Variants in GPR139 observed in about 807,000 individuals in gnomAD.
GPR139 encodes G protein-coupled receptor 139.
In GPR139, 12 loss-of-function variants were observed where a neutral mutation model predicts 25.8. That is an observed-to-expected ratio of 0.47 (90% CI 0.30 to 0.75). The LOEUF is 0.75. GPR139 is among the 30% of genes least tolerant of loss of function. The pLI is 0.07. For missense variants in GPR139, 380 were observed against 450.2 expected (o/e 0.84, Z 1.41); for synonymous variants, 184 against 179.9 (o/e 1.02, Z -0.18).
At chr16:20,069,744 A>G (rs1256352756) in intron 1 of GPR139, among the ~76,000 whole-genome samples, 1 of 151,956 alleles carries the variant, frequency 6.6e-6, no homozygotes, top group Non-Finnish European at 1.5e-5. Context: ...TTAATTTCAC[A>G]CTGCTCCTTC....
intron 1 of GPR139, among the ~76,000 whole-genome samples, chr16:20,067,642 T>C (rs2057440018): frequency 6.6e-6 from 1 of 151,726 alleles, no homozygotes; most frequent in Non-Finnish European, 1.5e-5. Context: ...CCGTCTCTAC[T>C]AAAAATACAA....
chr16:20,032,663 A>G lies in GPR139; in HGVS notation c.134T>C (p.Ile45Thr), dbSNP rs2057295307. Residue 45 changes from isoleucine to threonine, a missense_variant, in exon 2 of 2, where the codon ATC (isoleucine) becomes ACC (threonine). Physicochemically the swap from Ile to Thr is moderately conservative, Grantham distance 89. Transcript: ENST00000570682. ...LLLCLGLPAN[I>T]LTVIILSQLV... ...CTGGGAGAGGATGATCACTGTCAAG[A>G]TATTTGCTGTGGAGAGAAGAAAAAC... 1.9e-6 allele frequency: 3 copies of G among 1,601,930 alleles called. No individual in the cohort carries two copies. The highest frequency in any genetic ancestry group is 4.5e-5 in the East Asian group (2 of 44,512).
chr16:20,038,329 A>ATGTGTGTGTGTGTGTG (rs1555465698), intron 1 of GPR139, among the ~76,000 whole-genome samples: 1 of 95,826 alleles, frequency 1.0e-5, no homozygotes, highest in Non-Finnish European at 2.6e-5. Flanking sequence ...TAATATATAT[A>ATGTGTGTGTGTGTGTG]TGTGTGTGTG....
intron 1 of GPR139, among the ~76,000 whole-genome samples, chr16:20,032,881 T>C (rs1411083697): frequency 6.6e-6 from 1 of 152,236 alleles, no homozygotes; most frequent in Non-Finnish European, 1.5e-5. Context: ...AACACAACCA[T>C]GAGAGGTGGT....
chr16:20,051,778 C>T (rs1458957516), intron 1 of GPR139, among the ~76,000 whole-genome samples: 1 of 152,184 alleles, frequency 6.6e-6, no homozygotes, highest in Non-Finnish European at 1.5e-5. Flanking sequence ...TAGTTTGCTT[C>T]CTCATGACTC....
At chr16:20,070,856 G>T in intron 1 of GPR139, 1 of 695,304 alleles carries the variant, frequency 1.4e-6, no homozygotes, top group Non-Finnish European at 1.8e-6. Context: ...AATTGCTGGT[G>T]GCTGGGGAAG....
chr16:20,062,751 C>T (rs1205501769), intron 1 of GPR139, among the ~76,000 whole-genome samples: 1 of 151,958 alleles, frequency 6.6e-6, no homozygotes, highest in Non-Finnish European at 1.5e-5. Flanking sequence ...CTAGTAGTCA[C>T]GTTAATAAAG....
At chr16:20,064,346 G>C (rs544190991) in intron 1 of GPR139, among the ~76,000 whole-genome samples, 1 of 152,274 alleles carries the variant, frequency 6.6e-6, no homozygotes, top group South Asian at 2.1e-4. Flanking sequence ...CTCAAGACCA[G>C]CCTGGCCAAC....
At chr16:20,065,985 AGTTTGTTTTTTT>A (rs1198740070) in intron 1 of GPR139, among the ~76,000 whole-genome samples, 2 of 152,048 alleles carry the variant, frequency 1.3e-5, no homozygotes, top group African/African-American at 4.8e-5. Flanking sequence ...TAAGAGAAAT[AGTTTGTTTTTTT>A]GTTTGTTTTG....
intron 1 of GPR139, among the ~76,000 whole-genome samples, chr16:20,038,383 G>A (rs1176728452): frequency 4.3e-5 from 5 of 115,668 alleles, no homozygotes; most frequent in Non-Finnish European, 9.8e-5. Flanking sequence ...TCTATAGAGA[G>A]TGACTCTCCC....
intron 1 of GPR139, among the ~76,000 whole-genome samples, chr16:20,071,968 T>G (rs2608182): frequency 0.46 from 70,586 of 151,832 alleles, 16,846 homozygotes; most frequent in African/African-American, 0.55. Flanking sequence ...AAGAGGTTCT[T>G]ACACTTTTCC....
In GPR139 at chr16:20,041,606, T is replaced by A. The variant is rs146088001; in HGVS notation, c.128-8937A>T. ...GATGCTGACAAGACTCAGTGGTCAG[T>A]CTTTTAGCTTCTGCAGAAGGTGCTG... On this transcript the variant is annotated intron_variant, in intron 1 of 1. Coordinates refer to ENST00000570682, the MANE Select transcript of GPR139 (RefSeq NM_001002911.4). Among the ~76,000 whole-genome samples the A allele has an allele frequency of 2.6e-5, 4 of 152,112 alleles. 1 individual carries two copies. The East Asian group carries it at 7.8e-4, about 30-fold the overall frequency.
chr16:20,051,299 C>T (rs1243106550), intron 1 of GPR139, among the ~76,000 whole-genome samples: 1 of 152,108 alleles, frequency 6.6e-6, no homozygotes, highest in Non-Finnish European at 1.5e-5. Flanking sequence ...CAATGCACAC[C>T]CTCCTCCGCG....
At chr16:20,043,304 C>T (rs985422370) in intron 1 of GPR139, among the ~76,000 whole-genome samples, 1 of 152,158 alleles carries the variant, frequency 6.6e-6, no homozygotes, top group African/African-American at 2.4e-5. Flanking sequence ...AATCACGAAA[C>T]CACATCCAAG....
intron 1 of GPR139, among the ~76,000 whole-genome samples, chr16:20,056,317 C>G (rs2057388380): frequency 6.6e-6 from 1 of 152,236 alleles, no homozygotes; most frequent in African/African-American, 2.4e-5. Context: ...TCCAACTAGA[C>G]TCTGCCCTTC....
In GPR139 at chr16:20,031,654, A is replaced by C. The variant is rs185717032; in HGVS notation, c.*81T>G. 83 of 1,074,590 alleles carry C rather than the reference A, an allele frequency of 7.7e-5. No individual in the cohort carries two copies. The East Asian group carries it at 2.0e-3, about 25-fold the overall frequency. The allele number at this position is 1,074,590 out of a possible 1,614,324, so 66.6% of individuals were successfully genotyped here. A position where few individuals can be genotyped will look rare whatever the true frequency, so the allele number is the denominator to read the frequency against. On this transcript the variant is annotated 3_prime_UTR_variant, in exon 2 of 2. Coordinates refer to ENST00000570682, the MANE Select transcript of GPR139 (RefSeq NM_001002911.4). ...GGAAATCGGATTAGCACTCTTAAGG[A>C]GAGCTGCTCAGCCATAGGATGGGAC...
rs1351356431 is a variant in GPR139, at chr16:20,031,303, G to GT, written c.*431dup. 6.6e-6 allele frequency among the ~76,000 whole-genome samples: 1 copy of GT among 152,202 alleles called. No homozygotes were observed. The highest frequency in any genetic ancestry group is 6.5e-5 in the Admixed American group (1 of 15,280). On this transcript the variant is annotated 3_prime_UTR_variant, in exon 2 of 2. Coordinates refer to ENST00000570682, the MANE Select transcript of GPR139 (RefSeq NM_001002911.4). ...TAGCTCCTGGGAACAGCAGAGGGAA[G>GT]TGATGAATGACCTCAGCTCTCGGAA...
intron 1 of GPR139, among the ~76,000 whole-genome samples, chr16:20,070,050 A>G (rs2057454346): frequency 6.6e-6 from 1 of 152,234 alleles, no homozygotes; most frequent in Non-Finnish European, 1.5e-5. Context: ...GGTTAGTTCA[A>G]ACAACTGCCT....
rs2057278274 is a variant in GPR139 at position 20,029,201 on chromosome 16, A to G, written c.*2534T>C. ...AAATATATTCGGAGGAAAAGAGATC[A>G]CAATACCACGTGGTAGAGCCTCTAT... On this transcript the variant is annotated 3_prime_UTR_variant, in exon 2 of 2. Transcript: ENST00000570682. Among the ~76,000 whole-genome samples, 1 of 152,114 alleles carries G rather than the reference A, an allele frequency of 6.6e-6. No individual in the cohort carries two copies. Among genetic ancestry groups the G allele is most frequent in the Admixed American group, 6.5e-5 (1 of 15,276 alleles).
Sources: allele counts gnomAD v4.1 joint callset (sites outside exome capture counted in the v4.1 genomes callset), GRCh38; gene constraint gnomAD v4.1.1; transcripts MANE v1.5; gene names NCBI Gene and HGNC (gene_info 2026-07-23, HGNC 2026-07-21).